CTNNA3: variants seen among roughly 807,000 people sequenced by gnomAD.
The protein encoded by CTNNA3 is catenin alpha 3.
In CTNNA3, 76 loss-of-function variants were observed where a neutral mutation model predicts 95.7. The observed-to-expected ratio is 0.79, with a 90% CI of 0.66 to 0.96. The LOEUF is 0.96. Among genes scored for constraint, CTNNA3 ranks in the 40% least tolerant of loss-of-function variants. The probability of loss-of-function intolerance (pLI) is 0.00; values close to 1 mark genes in which losing one functional copy is unlikely to be tolerated. For synonymous variants in CTNNA3, 431 were observed against 374.4 expected (o/e 1.15, Z -1.74); for missense variants, 1,191 against 1,089.8 (o/e 1.09, Z -1.31).
intron 12 of CTNNA3, among the ~76,000 whole-genome samples, chr10:66,328,688 ATTATG>A (rs1393271386): frequency 6.6e-6 from 1 of 151,420 alleles, no homozygotes; most frequent in Admixed American, 6.6e-5. Context: ...GACCCATGCA[ATTATG>A]GAGGCTGAGA....
At chr10:67,114,258 A>G (rs527343997) in intron 7 of CTNNA3, among the ~76,000 whole-genome samples, 12 of 152,220 alleles carry the variant, frequency 7.9e-5, no homozygotes, top group Admixed American at 3.9e-4. Flanking sequence ...TATATTTAAT[A>G]AGTTAAAATT....
intron 8 of CTNNA3, among the ~76,000 whole-genome samples, chr10:66,768,998 T>C (rs1433090085): frequency 6.6e-6 from 1 of 152,178 alleles, no homozygotes; most frequent in Non-Finnish European, 1.5e-5. Flanking sequence ...CTGTTTTTAA[T>C]AATTTGATTG....
chr10:66,867,045 T>C (rs1452506280), intron 7 of CTNNA3, among the ~76,000 whole-genome samples: 1 of 152,150 alleles, frequency 6.6e-6, no homozygotes, highest in Non-Finnish European at 1.5e-5. Flanking sequence ...TCTGCTGCCA[T>C]GTAAGATGTG....
chr10:67,500,142 C>T (rs1184581249), intron 5 of CTNNA3, among the ~76,000 whole-genome samples: 2 of 152,166 alleles, frequency 1.3e-5, no homozygotes, highest in African/African-American at 4.8e-5. Flanking sequence ...TCTTTGTTCT[C>T]ATTGGTTTCA....
chr10:66,501,882 G>A (rs944789295), intron 11 of CTNNA3, among the ~76,000 whole-genome samples: 4 of 152,044 alleles, frequency 2.6e-5, no homozygotes, highest in African/African-American at 9.7e-5. Context: ...AAGAAAAATA[G>A]TAAAAACCTG....
upstream of CTNNA3, among the ~76,000 whole-genome samples, chr10:67,700,485 G>A (rs1841027797): frequency 6.6e-6 from 1 of 152,182 alleles, no homozygotes; most frequent in South Asian, 2.1e-4. Flanking sequence ...CCGCTGTTTT[G>A]CAATCTCCGC....
chr10:66,209,675 TAGA>T (rs2088007207), intron 13 of CTNNA3, among the ~76,000 whole-genome samples: 1 of 151,988 alleles, frequency 6.6e-6, no homozygotes, highest in African/African-American at 2.4e-5. Context: ...ATGAAAAAAA[TAGA>T]GGAGTCAGGG....
chr10:67,610,308 A>G (rs1019191741), intron 2 of CTNNA3, among the ~76,000 whole-genome samples: 1 of 152,266 alleles, frequency 6.6e-6, no homozygotes, highest in African/African-American at 2.4e-5. Flanking sequence ...AGAACTTTGT[A>G]TAAGAACATC....
chr10:67,103,948 C>T (rs1858485846), intron 7 of CTNNA3, among the ~76,000 whole-genome samples: 2 of 151,442 alleles, frequency 1.3e-5, no homozygotes, highest in South Asian at 4.2e-4. Flanking sequence ...TACATGGTTC[C>T]CTAAAAAGAG....
intron 1 of CTNNA3, among the ~76,000 whole-genome samples, chr10:67,686,994 C>T (rs188643536): frequency 1.3e-5 from 2 of 152,260 alleles, no homozygotes; most frequent in East Asian, 3.9e-4. Context: ...GGGTGTGGGA[C>T]TTTCAGACAC....
chr10:67,724,914 C>G (rs1202338766), intron 1 of CTNNA3, among the ~76,000 whole-genome samples: 2 of 152,090 alleles, frequency 1.3e-5, no homozygotes, highest in Non-Finnish European at 2.9e-5. Flanking sequence ...TGCCAGTGCT[C>G]ACGTAAGAAT....
chr10:66,807,698 G>C (rs1433513815), intron 7 of CTNNA3, among the ~76,000 whole-genome samples: 1 of 152,002 alleles, frequency 6.6e-6, no homozygotes, highest in Non-Finnish European at 1.5e-5. Flanking sequence ...TGAGATCTCT[G>C]GGTCTATTTT....
chr10:66,117,644 T>C (rs920047714), intron 13 of CTNNA3, among the ~76,000 whole-genome samples: 3 of 152,150 alleles, frequency 2.0e-5, no homozygotes, highest in African/African-American at 7.2e-5. Context: ...TCTATATGGA[T>C]GTGAATGTGA....
chr10:66,665,011 A>T (rs952158920), intron 9 of CTNNA3, among the ~76,000 whole-genome samples: 1 of 152,056 alleles, frequency 6.6e-6, no homozygotes, highest in Admixed American at 6.6e-5. Context: ...GCGGATAAAA[A>T]ATTATGTAAA....
At chr10:66,259,093 T>C (rs1271969050) in intron 13 of CTNNA3, among the ~76,000 whole-genome samples, 11 of 152,160 alleles carry the variant, frequency 7.2e-5, no homozygotes. Context: ...GCCTTTTTAA[T>C]GCTCTCATTA....
intron 7 of CTNNA3, among the ~76,000 whole-genome samples, chr10:67,118,839 T>C (rs1046287770): frequency 6.6e-6 from 1 of 151,894 alleles, no homozygotes; most frequent in Non-Finnish European, 1.5e-5. Context: ...TAATTTGAAA[T>C]ATATGAAAAT....
chr10:66,949,294 T>C (rs1353962330), intron 7 of CTNNA3, among the ~76,000 whole-genome samples: 2 of 152,192 alleles, frequency 1.3e-5, no homozygotes, highest in African/African-American at 4.8e-5. Flanking sequence ...TGTGGGCTCA[T>C]GCCTGTAATC....
chr10:67,219,992 T>A (rs1864578104), intron 5 of CTNNA3, 122 bp from the exon 6 acceptor site: 1 of 749,764 alleles, frequency 1.3e-6, no homozygotes, highest in East Asian at 2.7e-5. Flanking sequence ...AAGTCAGCTA[T>A]AAGTTATAAT....
chr10:66,157,257 A>G (rs1439638646), intron 13 of CTNNA3, among the ~76,000 whole-genome samples: 2 of 151,816 alleles, frequency 1.3e-5, no homozygotes, highest in East Asian at 1.9e-4. Context: ...GCATCCTCAT[A>G]GCTTAGTTCT....
Sources: allele counts gnomAD v4.1 joint callset (sites outside exome capture counted in the v4.1 genomes callset), GRCh38; gene constraint gnomAD v4.1.1; transcripts MANE v1.5; gene names NCBI Gene and HGNC (gene_info 2026-07-23, HGNC 2026-07-21).